Variants in RASGRF1 observed in about 807,000 individuals in gnomAD.
RASGRF1 encodes the protein ras-specific guanine nucleotide-releasing factor 1.
In RASGRF1, 40 loss-of-function variants were observed where a neutral mutation model predicts 138.7. The observed-to-expected ratio is 0.29, with a 90% confidence interval of 0.22 to 0.38. The LOEUF (loss-of-function observed/expected upper bound fraction) is 0.38, where lower values mean the gene tolerates loss of function less well. RASGRF1 is among the 10% of genes least tolerant of loss of function. RASGRF1 has a pLI of 1.00. For missense variants in RASGRF1, 1,108 were observed against 1,650.4 expected, an observed-to-expected ratio of 0.67 and a Z score of 5.69; for synonymous variants, 614 against 663.2, an observed-to-expected ratio of 0.93 and a Z score of 1.14.
In RASGRF1 at chr15:79,017,800, C is replaced by T; in HGVS notation, c.1713G>A (p.Glu571=). ...TVILVASSRQ[E]KAAWTSDISQ... Reference sequence around the variant, plus strand: ...TGATGTCACTGGTCCACGCTGCCTTCTCCTGTCTGGACGAGGCCACTAGGA... The same window carrying T: ...TGATGTCACTGGTCCACGCTGCCTTTTCCTGTCTGGACGAGGCCACTAGGA... The change falls in exon 12 of 27, where the codon GAG becomes GAA. Residue 571 remains glutamate, a synonymous_variant. Transcript: ENST00000558480. The T allele has an allele frequency of 6.2e-7, 1 of 1,612,142 alleles. No individual in the cohort carries two copies. Among genetic ancestry groups the T allele is most frequent in the Non-Finnish European group, 8.5e-7 (1 of 1,179,444 alleles).
chr15:78,968,522 A>G (rs2055689648), intron 26 of RASGRF1, among the ~76,000 whole-genome samples: 2 of 151,982 alleles, frequency 1.3e-5, no homozygotes, highest in South Asian at 4.2e-4. Context: ...GGCTCAAGTG[A>G]TCCTCCTACC....
At position 79,006,829 on chromosome 15, in the gene RASGRF1, T is replaced by TG. The variant is rs2056685702; in HGVS notation, c.1827-396dup. Among the ~76,000 whole-genome samples the TG allele has an allele frequency of 6.6e-6, 1 of 152,058 alleles. No homozygotes were observed. The highest frequency in any genetic ancestry group is 6.5e-5 in the Admixed American group (1 of 15,274). On this transcript the variant is annotated intron_variant, in intron 13 of 26. Coordinates refer to ENST00000558480, the MANE Select transcript of RASGRF1 (RefSeq NM_001145648.3). The surrounding 1 kb of genome is among the most constrained non-coding windows in gnomAD (Gnocchi z 4.0). ...GAGCTCAAGACCAGCCTGGGCAACA[T>TG]GGCGAAACCCTGTCTCTCTTAAAAA...
Position 78,998,835 on chromosome 15 carries a change from T to C in RASGRF1, c.2747-10A>G. 1 of 1,602,800 alleles carries C rather than the reference T, an allele frequency of 6.2e-7. No individual in the cohort carries two copies. The highest frequency in any genetic ancestry group is 8.5e-7 in the Non-Finnish European group (1 of 1,169,866). On this transcript the variant is annotated splice_polypyrimidine_tract_variant and intron_variant, in intron 17 of 26. Transcript: ENST00000558480. ...TGGTCTGGGGGAAACCCTGGCAGCA[T>C]GCGTGGCAGAGGGGAGAGAGGACAG...
intron 24 of RASGRF1, chr15:78,979,099 G>C (rs1262365490): frequency 3.1e-6 from 4 of 1,289,862 alleles, no homozygotes; most frequent in Admixed American, 4.6e-5. Flanking sequence ...CGGACAAGTT[G>C]GTGAATGCAC....
intron 3 of RASGRF1, among the ~76,000 whole-genome samples, chr15:79,056,746 G>T (rs1256047763): frequency 6.6e-6 from 1 of 152,132 alleles, no homozygotes; most frequent in Non-Finnish European, 1.5e-5. Context: ...CTTAGTTCAG[G>T]GCTTGGCTGC....
At chr15:79,062,142 T>C (rs964996725) in intron 2 of RASGRF1, among the ~76,000 whole-genome samples, 2 of 152,242 alleles carry the variant, frequency 1.3e-5, no homozygotes, top group African/African-American at 4.8e-5. Context: ...ACTTTTTGTA[T>C]TGATTGAGAT....
chr15:78,987,759 A>G (rs1017662605), intron 22 of RASGRF1, among the ~76,000 whole-genome samples: 1 of 152,120 alleles, frequency 6.6e-6, no homozygotes, highest in Non-Finnish European at 1.5e-5. Flanking sequence ...AAGGAGACAC[A>G]TGATCACCAT....
rs757215822 is a variant in RASGRF1 at position 79,046,966 on chromosome 15, G to A, written c.658C>T (p.Arg220Trp). The A allele has an allele frequency of 1.1e-5, 17 of 1,613,430 alleles. No individual in the cohort carries two copies. The highest frequency in any genetic ancestry group is 2.2e-5 in the South Asian group (2 of 91,080). ...TCCTGGATGATGGTCTTCCACTTCC[G>A]CCGGCACAGCCAGCCCCGCAGGAAG... ...QSFLRGWLCR[R>W]KWKTIIQDYI... The change falls in exon 5 of 27, where the codon CGG (arginine) becomes TGG (tryptophan). Residue 220 changes from arginine (R) to tryptophan (W), a missense_variant. Arg to Trp is a moderately radical substitution (Grantham distance 101). Around this residue, in one of 3 missense-constraint regions of RASGRF1, gnomAD observed 253 missense variants for 329.5 expected, o/e 0.77. Coordinates refer to ENST00000558480, the MANE Select transcript of RASGRF1 (RefSeq NM_001145648.3). This position sits in a 1 kb window ranked among gnomAD's most constrained non-coding sequence, Gnocchi z 5.3.
At chr15:79,067,564 G>T (rs1052526350) in intron 1 of RASGRF1, among the ~76,000 whole-genome samples, 1 of 152,208 alleles carries the variant, frequency 6.6e-6, no homozygotes, top group Non-Finnish European at 1.5e-5. Context: ...TGCCTCGAAT[G>T]ACTTGAGAGC....
At chr15:79,026,346 G>C (rs1480248965) in intron 9 of RASGRF1, among the ~76,000 whole-genome samples, 5 of 152,186 alleles carry the variant, frequency 3.3e-5, no homozygotes, top group Non-Finnish European at 7.3e-5. Context: ...TGTCTTCCCT[G>C]TGAATTCCTG....
chr15:79,014,517 T>C (rs2056847638), intron 13 of RASGRF1, among the ~76,000 whole-genome samples: 1 of 152,202 alleles, frequency 6.6e-6, no homozygotes, highest in Non-Finnish European at 1.5e-5. Flanking sequence ...TATGTTCTCA[T>C]TCATAAGTGG....
At chr15:79,025,560 C>T (rs2057035037) in intron 9 of RASGRF1, 86 bp from the exon 10 acceptor site, 3 of 1,465,460 alleles carry the variant, frequency 2.0e-6, no homozygotes, top group Admixed American at 2.1e-5. Flanking sequence ...GATGCTGGGG[C>T]AGCAGCAGTG....
intron 26 of RASGRF1, among the ~76,000 whole-genome samples, chr15:78,968,498 A>C (rs951745464): frequency 6.6e-6 from 1 of 151,934 alleles, no homozygotes; most frequent in Non-Finnish European, 1.5e-5. Context: ...GCCCAGGCTC[A>C]CTTCAAACTC....
In RASGRF1 at chr15:79,058,482, C is replaced by T; in HGVS notation, c.384-1G>A. On this transcript the variant is annotated splice_acceptor_variant, in intron 2 of 26. Transcript: ENST00000558480. LOFTEE classifies it high-confidence loss of function. ...ATGCTCTGTGGCGAGGGTCCTGTAGCTGTGGACAGATGGACATGGCAGGTA... is the reference window on the plus strand; with the variant it reads ...ATGCTCTGTGGCGAGGGTCCTGTAGTTGTGGACAGATGGACATGGCAGGTA... The T allele has an allele frequency of 6.2e-7, 1 of 1,613,936 alleles. No homozygotes were observed. The highest frequency in any genetic ancestry group is 8.5e-7 in the Non-Finnish European group (1 of 1,179,824).
rs1367046554 is a variant in RASGRF1, at chr15:79,027,938, C to T, written c.1263-79G>A. On this transcript the variant is annotated intron_variant, in intron 8 of 26. Transcript: ENST00000558480. This position sits in a 1 kb window ranked among gnomAD's most constrained non-coding sequence, Gnocchi z 4.8. ...GAGGCGAGAATGCCAGGCTTCTGGCCAGACCTAGGAAGAAAGCCTGGCACA... is the reference window on the plus strand; with the variant it reads ...GAGGCGAGAATGCCAGGCTTCTGGCTAGACCTAGGAAGAAAGCCTGGCACA... 2.1e-6 allele frequency: 3 copies of T among 1,416,072 alleles called. No individual in the cohort carries two copies. The highest frequency in any genetic ancestry group is 3.0e-6 in the Non-Finnish European group (3 of 1,007,296). 87.7% of individuals were successfully genotyped at this position (1,416,072 alleles called of 1,614,324 possible).
intron 22 of RASGRF1, among the ~76,000 whole-genome samples, chr15:78,988,740 T>G (rs1244127596): frequency 6.6e-6 from 1 of 151,920 alleles, no homozygotes; most frequent in Non-Finnish European, 1.5e-5. Flanking sequence ...GGATGCTGAG[T>G]GCAACTGTTC....
chr15:78,984,148 C>A (rs1408685158), intron 23 of RASGRF1, among the ~76,000 whole-genome samples: 1 of 152,162 alleles, frequency 6.6e-6, no homozygotes, highest in African/African-American at 2.4e-5. Flanking sequence ...CCAGAGTGGT[C>A]CAGATGAGAC....
In RASGRF1 at chr15:79,004,107, G is replaced by A. The variant is rs149079485; in HGVS notation, c.2144C>T (p.Pro715Leu). Residue 715 changes from proline (P) to leucine (L), a missense_variant, in exon 15 of 27, where the codon CCG becomes CTG. Physicochemically the swap from Pro to Leu is moderately conservative, Grantham distance 98 (BLOSUM62 -3). Around this residue, in one of 3 missense-constraint regions of RASGRF1, gnomAD observed 686 missense variants for 976.7 expected, o/e 0.70. Transcript: ENST00000558480. Reference sequence around the variant, plus strand: ...CGAGGAGAACTTGCGGGTGGCGCGCGGGGACTTGGGGGGTTCACCGTACAG... The same window carrying A: ...CGAGGAGAACTTGCGGGTGGCGCGCAGGGACTTGGGGGGTTCACCGTACAG... Reference protein sequence around the residue: ...KLLYGEPPKSPRATRKFSSPP... With the variant: ...KLLYGEPPKSLRATRKFSSPP... 1.7e-4 allele frequency: 278 copies of A among 1,613,370 alleles called. No individual in the cohort carries two copies. The highest frequency in any genetic ancestry group is 3.3e-4 in the Admixed American group (20 of 59,974).
chr15:78,972,680 G>T (rs866681963), intron 25 of RASGRF1, among the ~76,000 whole-genome samples: 9 of 152,058 alleles, frequency 5.9e-5, no homozygotes, highest in Non-Finnish European at 1.2e-4. Flanking sequence ...AAAATCTAAT[G>T]TCAAGGCCCA....
Sources: allele counts gnomAD v4.1 joint callset (sites outside exome capture counted in the v4.1 genomes callset), GRCh38; gene constraint gnomAD v4.1.1; regional missense constraint gnomAD v4.1.1; non-coding constraint Gnocchi (gnomAD v3.1); transcripts MANE v1.5; gene names NCBI Gene and HGNC (gene_info 2026-07-23, HGNC 2026-07-21).